PLCH1: variants seen among roughly 807,000 people sequenced by gnomAD.
PLCH1 encodes 1-phosphatidylinositol 4,5-bisphosphate phosphodiesterase eta-1.
PLCH1 carries 60 observed loss-of-function variants against 126.7 expected under a neutral mutation model. The ratio of observed to expected loss-of-function variants is 0.47; its 90% CI spans 0.38 to 0.59. The LOEUF (loss-of-function observed/expected upper bound fraction) is 0.59, where lower values mean the gene tolerates loss of function less well. Among genes scored for constraint, PLCH1 ranks in the 20% least tolerant of loss-of-function variants. The pLI is 0.00. For synonymous variants in PLCH1, 719 were observed against 734.9 expected, an observed-to-expected ratio of 0.98 and a Z score of 0.35; for missense variants, 1,723 against 2,040.0, an observed-to-expected ratio of 0.84 and a Z score of 2.99.
chr3:155,542,264 C>T (rs1576959443), intron 10 of PLCH1, among the ~76,000 whole-genome samples: 2 of 152,196 alleles, frequency 1.3e-5, no homozygotes, highest in Non-Finnish European at 2.9e-5. Context: ...GTCCTACGCC[C>T]ATGGAGTCTC....
intron 1 of PLCH1, among the ~76,000 whole-genome samples, chr3:155,729,596 C>T (rs1306427398): frequency 6.6e-6 from 1 of 152,120 alleles, no homozygotes; most frequent in African/African-American, 2.4e-5. Flanking sequence ...TATTAATATG[C>T]TATCTAAATA....
chr3:155,582,061 T>G (rs1577064684), intron 6 of PLCH1, among the ~76,000 whole-genome samples: 1 of 140,366 alleles, frequency 7.1e-6, no homozygotes, highest in East Asian at 2.1e-4. Context: ...TTTTTTTTTC[T>G]TTTTCTTTTC....
intron 6 of PLCH1, among the ~76,000 whole-genome samples, chr3:155,582,911 T>C (rs1290316576): frequency 6.6e-6 from 1 of 151,992 alleles, no homozygotes. Flanking sequence ...TTAAACATAC[T>C]TAGAGATTCT....
At chr3:155,576,709 G>A (rs144280007) in intron 6 of PLCH1, among the ~76,000 whole-genome samples, 59 of 152,200 alleles carry the variant, frequency 3.9e-4, no homozygotes, top group African/African-American at 1.3e-3. Context: ...TCAAATTTGT[G>A]CCATTGTGAA....
intron 21 of PLCH1, among the ~76,000 whole-genome samples, chr3:155,459,427 C>T (rs1281800862): frequency 2.6e-5 from 4 of 152,132 alleles, no homozygotes; most frequent in African/African-American, 7.2e-5. Flanking sequence ...ACCATAATTT[C>T]GAATTTCATG....
At chr3:155,649,461 C>G (rs1448545534) in intron 2 of PLCH1, among the ~76,000 whole-genome samples, 1 of 152,160 alleles carries the variant, frequency 6.6e-6, no homozygotes, top group Non-Finnish European at 1.5e-5. Flanking sequence ...GTGCACACCC[C>G]AAGTAGCACC....
At chr3:155,585,449 A>G (rs577132158) in intron 5 of PLCH1, among the ~76,000 whole-genome samples, 1 of 152,316 alleles carries the variant, frequency 6.6e-6, no homozygotes, top group Admixed American at 6.5e-5. Context: ...CCTGACTTAA[A>G]CTTAAGAGAG....
chr3:155,497,907 G>T (rs1717295808), intron 14 of PLCH1, among the ~76,000 whole-genome samples: 1 of 152,102 alleles, frequency 6.6e-6, no homozygotes, highest in Non-Finnish European at 1.5e-5. Flanking sequence ...CAGTGAAAGG[G>T]TTTCACCATG....
At chr3:155,661,169 C>A (rs1742092185) in intron 2 of PLCH1, among the ~76,000 whole-genome samples, 1 of 152,180 alleles carries the variant, frequency 6.6e-6, no homozygotes, top group Non-Finnish European at 1.5e-5. Flanking sequence ...TTTTCAACAA[C>A]TTTGTAGTTC....
At chr3:155,520,995 C>T (rs75021125) in intron 11 of PLCH1, among the ~76,000 whole-genome samples, 6,416 of 152,244 alleles carry the variant, frequency 0.042, 197 homozygotes, top group Non-Finnish European at 0.061. Flanking sequence ...CCTCAAATCC[C>T]GCTTCTGGCC....
Position 155,699,848 on chromosome 3 carries a change from A to ACACACACACACACACACC in PLCH1, c.79+4297_79+4298insGGTGTGTGTGTGTGTGTG, listed in dbSNP as rs1491419516. On this transcript the variant is annotated intron_variant, in intron 2 of 22. Transcript: ENST00000460012. Reference sequence around the variant, plus strand: ...CACACACACACACACACACACACACACCACTACCTCTCTCCCCTAAAGGGA... The same window carrying ACACACACACACACACACC: ...CACACACACACACACACACACACACACACACACACACACACACCCCACTACCTCTCTCCCCTAAAGGGA... 6.8e-3 allele frequency among the ~76,000 whole-genome samples: 1,004 copies of ACACACACACACACACACC among 147,616 alleles called. 15 individuals carry two copies. The highest frequency in any genetic ancestry group is 0.023 in the African/African-American group (937 of 40,390).
chr3:155,552,284 C>T (rs762962342), intron 9 of PLCH1, among the ~76,000 whole-genome samples: 10 of 152,040 alleles, frequency 6.6e-5, no homozygotes, highest in Non-Finnish European at 8.8e-5. Context: ...AAAATGAATA[C>T]AAAATAATAA....
intron 2 of PLCH1, among the ~76,000 whole-genome samples, chr3:155,686,723 G>C (rs1029403764): frequency 2.0e-5 from 3 of 152,116 alleles, no homozygotes; most frequent in Non-Finnish European, 2.9e-5. Flanking sequence ...CATATGCAAG[G>C]CTCTAAAGTC....
chr3:155,607,082 A>C (rs574160732), intron 2 of PLCH1, among the ~76,000 whole-genome samples: 133 of 152,292 alleles, frequency 8.7e-4, no homozygotes, highest in Non-Finnish European at 1.7e-3. Context: ...TTCTTGGTTT[A>C]AATAAAATGT....
At chr3:155,637,505 C>T (rs1284862752) in intron 2 of PLCH1, among the ~76,000 whole-genome samples, 1 of 152,272 alleles carries the variant, frequency 6.6e-6, no homozygotes, top group Non-Finnish European at 1.5e-5. Context: ...GATAAGGAAT[C>T]GATTCAAAGT....
At position 155,472,180 on chromosome 3, in the gene PLCH1, G is replaced by C. The variant is rs1406183166; in HGVS notation, c.2938+13176C>G. Reference sequence around the variant, plus strand: ...GATCAACAAAATTGATAGACCACTAGCAAGACTAATAAAGAAAAAAAGAGA... The same window carrying C: ...GATCAACAAAATTGATAGACCACTACCAAGACTAATAAAGAAAAAAAGAGA... On this transcript the variant is annotated intron_variant, in intron 21 of 21. Transcript: ENST00000494598. Among the ~76,000 whole-genome samples the C allele has an allele frequency of 4.0e-5, 6 of 151,792 alleles. No individual in the cohort carries two copies. The South Asian group carries it at 8.3e-4, about 21-fold the overall frequency.
chr3:155,598,328 T>C (rs1733253666), intron 2 of PLCH1, among the ~76,000 whole-genome samples: 2 of 152,216 alleles, frequency 1.3e-5, no homozygotes, highest in South Asian at 4.1e-4. Context: ...GAAAGCTACA[T>C]AGTTGAATTC....
At chr3:155,619,081 A>G (rs1736140763) in intron 2 of PLCH1, among the ~76,000 whole-genome samples, 1 of 148,432 alleles carries the variant, frequency 6.7e-6, no homozygotes, top group Admixed American at 6.7e-5. Flanking sequence ...TTGTCTGGGA[A>G]AACTCTTTTA....
At chr3:155,510,848 C>G (rs1274601945) in intron 12 of PLCH1, among the ~76,000 whole-genome samples, 2 of 91,894 alleles carry the variant, frequency 2.2e-5, no homozygotes, top group African/African-American at 1.3e-4. Context: ...AGTTGCTCTT[C>G]TCGAGGAGTA....
Sources: gnomAD v4.1 joint callset for allele counts (sites outside exome capture counted in the v4.1 genomes callset) on GRCh38, gnomAD v4.1.1 for gene constraint, MANE v1.5 for transcripts, NCBI Gene and HGNC (gene_info 2026-07-23, HGNC 2026-07-21) for gene names.